PAFAH1B1: variants seen among roughly 807,000 people sequenced by gnomAD.
PAFAH1B1 encodes platelet activating factor acetylhydrolase 1b regulatory subunit 1, also known as platelet-activating factor acetylhydrolase IB subunit beta.
In PAFAH1B1, 2 loss-of-function variants were observed where a neutral mutation model predicts 57.5. The ratio of observed to expected loss-of-function variants is 0.03; its 90% CI spans 0.01 to 0.11. The LOEUF (loss-of-function observed/expected upper bound fraction) is 0.11. Among genes scored for constraint, PAFAH1B1 ranks in the 10% least tolerant of loss-of-function variants. PAFAH1B1 has a pLI of 1.00. For synonymous variants in PAFAH1B1, 152 were observed against 169.6 expected, an observed-to-expected ratio of 0.90 and a Z score of 0.81; for missense variants, 257 against 512.0, an observed-to-expected ratio of 0.50 and a Z score of 4.81.
intron 5 of PAFAH1B1, among the ~76,000 whole-genome samples, chr17:2,669,151 G>C (rs367713550): frequency 1.3e-5 from 2 of 151,924 alleles, no homozygotes; most frequent in African/African-American, 2.4e-5. Flanking sequence ...CCCACTAATT[G>C]TTTCTCCCCA....
At chr17:2,651,413 CAAAAAAAA>C (rs1157501996) in intron 2 of PAFAH1B1, among the ~76,000 whole-genome samples, 7 of 53,352 alleles carry the variant, frequency 1.3e-4, no homozygotes, top group African/African-American at 2.4e-4. Context: ...CCCGTCTCTA[CAAAAAAAA>C]AAAAAAAAAA....
intron 9 of PAFAH1B1, among the ~76,000 whole-genome samples, chr17:2,678,833 C>T (rs1424872474): frequency 6.6e-6 from 1 of 152,134 alleles, no homozygotes; most frequent in Non-Finnish European, 1.5e-5. Context: ...TTTAGTGAGC[C>T]GTGATCATGC....
chr17:2,624,142 A>G (rs561896440), intron 1 of PAFAH1B1, among the ~76,000 whole-genome samples: 2 of 152,262 alleles, frequency 1.3e-5, no homozygotes, highest in African/African-American at 4.8e-5. Context: ...CCAGTTCCCA[A>G]CGAACTCCTC....
At chr17:2,660,842 G>A (rs1034538134) in intron 2 of PAFAH1B1, among the ~76,000 whole-genome samples, 1 of 152,178 alleles carries the variant, frequency 6.6e-6, no homozygotes, top group African/African-American at 2.4e-5. Flanking sequence ...CTTCCATGAT[G>A]GTTGAACTAA....
chr17:2,667,315 CAG>C (rs1373210574), intron 5 of PAFAH1B1, 117 bp downstream of exon 5: 2 of 725,972 alleles, frequency 2.8e-6, no homozygotes, highest in African/African-American at 3.8e-5. Flanking sequence ...GCCTGGGCGA[CAG>C]AGCCACACTC....
At chr17:2,623,921 T>C (rs2068456132) in intron 1 of PAFAH1B1, among the ~76,000 whole-genome samples, 1 of 152,240 alleles carries the variant, frequency 6.6e-6, no homozygotes, top group Admixed American at 6.5e-5. Context: ...ATTACAGGCG[T>C]GAGCCACTGC....
At position 2,615,533 on chromosome 17, in the gene PAFAH1B1, C is replaced by T. The variant is rs578144576; in HGVS notation, c.-191+21527C>T. ...TTGGCTCACTGCAACCTCTGCCGCC[C>T]GGGTTCAAGCGATTCTCCTGCCTTA... On this transcript the variant is annotated intron_variant, in intron 1 of 10. Transcript: ENST00000397195. 1.4e-4 allele frequency among the ~76,000 whole-genome samples: 22 copies of T among 152,072 alleles called. No individual in the cohort carries two copies. The South Asian group carries it at 4.0e-3, about 27-fold the overall frequency.
At chr17:2,619,266 C>A (rs745463941) in intron 1 of PAFAH1B1, among the ~76,000 whole-genome samples, 3 of 152,164 alleles carry the variant, frequency 2.0e-5, no homozygotes, top group African/African-American at 4.8e-5. Flanking sequence ...GATCCTCCCA[C>A]TTCAGCCTCT....
At chr17:2,680,949 C>T in intron 10 of PAFAH1B1, 2 of 163,608 alleles carry the variant, frequency 1.2e-5, no homozygotes, top group South Asian at 3.2e-4. Flanking sequence ...TAGATTTGAG[C>T]CCTGCTGTGC....
chr17:2,620,115 A>G (rs2068400008), intron 1 of PAFAH1B1, among the ~76,000 whole-genome samples: 3 of 152,182 alleles, frequency 2.0e-5, no homozygotes, highest in Admixed American at 6.6e-5. Context: ...GATAAATTCT[A>G]CCTGATTTTT....
At chr17:2,659,534 A>G in intron 2 of PAFAH1B1, 1 of 206,692 alleles carries the variant, frequency 4.8e-6, no homozygotes, top group Admixed American at 6.0e-5. Flanking sequence ...AAAAAAAAAA[A>G]AAAAAAAGGA....
At chr17:2,673,360 C>T (rs2069208802) in intron 7 of PAFAH1B1, among the ~76,000 whole-genome samples, 1 of 152,134 alleles carries the variant, frequency 6.6e-6, no homozygotes, top group Non-Finnish European at 1.5e-5. Context: ...TAATCTTTGG[C>T]CGGGCGCGGT....
At chr17:2,606,668 T>C (rs2068207358) in intron 1 of PAFAH1B1, among the ~76,000 whole-genome samples, 1 of 151,934 alleles carries the variant, frequency 6.6e-6, no homozygotes, top group African/African-American at 2.4e-5. Context: ...TTTTATTTTG[T>C]GTATTTACAG....
At chr17:2,620,038 G>A (rs1429903275) in intron 1 of PAFAH1B1, among the ~76,000 whole-genome samples, 4 of 152,074 alleles carry the variant, frequency 2.6e-5, no homozygotes, top group Admixed American at 2.6e-4. Flanking sequence ...CAATCCTCTG[G>A]CCCTGGCCTC....
intron 2 of PAFAH1B1, among the ~76,000 whole-genome samples, chr17:2,649,714 T>C (rs1462657568): frequency 6.6e-6 from 1 of 152,144 alleles, no homozygotes; most frequent in East Asian, 1.9e-4. Flanking sequence ...CCAATCAAAA[T>C]TCAAACTAAA....
intron 10 of PAFAH1B1, chr17:2,680,852 T>A (rs557802119): frequency 5.4e-6 from 1 of 185,002 alleles, no homozygotes; most frequent in East Asian, 1.5e-4. Flanking sequence ...ACAGGATTGG[T>A]TCAAGGATTA....
chr17:2,602,349 A>G (rs1368518576), intron 1 of PAFAH1B1, among the ~76,000 whole-genome samples: 1 of 152,202 alleles, frequency 6.6e-6, no homozygotes, highest in Non-Finnish European at 1.5e-5. Flanking sequence ...ACCCCAAGAC[A>G]TCAAATGTCA....
chr17:2,631,594 G>T (rs868797922), intron 1 of PAFAH1B1, among the ~76,000 whole-genome samples: 1 of 152,106 alleles, frequency 6.6e-6, no homozygotes, highest in Admixed American at 6.5e-5. Context: ...CTGAAACTTC[G>T]ACTGCAAACG....
At chr17:2,639,168 G>A (rs1336448816) in intron 2 of PAFAH1B1, 1 of 152,216 alleles carries the variant, frequency 6.6e-6, no homozygotes, top group Non-Finnish European at 1.5e-5. Flanking sequence ...AAAGTGCTGG[G>A]ATTACAGGCG....
Sources: gnomAD v4.1 joint callset for allele counts (sites outside exome capture counted in the v4.1 genomes callset) on GRCh38, gnomAD v4.1.1 for gene constraint, MANE v1.5 for transcripts, NCBI Gene and HGNC (gene_info 2026-07-23, HGNC 2026-07-21) for gene names.